The following KLF17 variants were observed in gnomAD, a reference collection of about 807,000 sequenced individuals.
The protein encoded by KLF17 is KLF transcription factor 17.
Under a neutral mutation model 34.2 loss-of-function variants are expected in KLF17, and 31 were observed. The ratio of observed to expected loss-of-function variants is 0.91; its 90% CI spans 0.68 to 1.22. KLF17 has a LOEUF of 1.22. Ranked by LOEUF, KLF17 falls within the 50% of genes most tolerant of loss-of-function variation. KLF17 has a pLI of 0.00. For synonymous variants in KLF17, 179 were observed against 186.7 expected (o/e 0.96, Z 0.34); for missense variants, 478 against 505.2 (o/e 0.95, Z 0.52).
chr1:44,112,141 C>T, the KLF17 span, among the ~76,000 whole-genome samples: 2 of 152,168 alleles, frequency 1.3e-5, no homozygotes, highest in South Asian at 2.1e-4. Flanking sequence ...ATTCTCCTGT[C>T]GGTAGGTAGT....
At chr1:44,122,308 T>C (rs2087956041) in intron 1 of KLF17, 1 of 1,599,946 alleles carries the variant, frequency 6.3e-7, no homozygotes, top group South Asian at 1.1e-5. Context: ...TCTAGTAGAA[T>C]AAAATACCGA....
At chr1:44,111,725 C>T in the KLF17 span, among the ~76,000 whole-genome samples, 1 of 152,154 alleles carries the variant, frequency 6.6e-6, no homozygotes, top group East Asian at 1.9e-4. Context: ...AACCCCATCT[C>T]TACTAAAAAT....
chr1:44,101,643 G>A, the KLF17 span: 1 of 152,182 alleles, frequency 6.6e-6, no homozygotes, highest in Non-Finnish European at 1.5e-5. Flanking sequence ...TACTGGTGAT[G>A]TTAACTTTGG....
chr1:44,062,715 C>CAA, the KLF17 span, among the ~76,000 whole-genome samples: 150 of 118,684 alleles, frequency 1.3e-3, no homozygotes, highest in Non-Finnish European at 1.6e-3. Context: ...GAACCTGTCT[C>CAA]AAAAAAAAAA....
At chr1:44,111,223 T>G in the KLF17 span, among the ~76,000 whole-genome samples, 2 of 151,790 alleles carry the variant, frequency 1.3e-5, no homozygotes, top group Admixed American at 1.3e-4. Context: ...CTCAAACTCC[T>G]GGGCTCAAGC....
intron 1 of KLF17, among the ~76,000 whole-genome samples, chr1:44,119,666 C>G (rs1288615725): frequency 6.6e-6 from 1 of 152,028 alleles, no homozygotes; most frequent in East Asian, 1.9e-4. Context: ...GACTAAAGAA[C>G]CCGTCAGGTG....
At chr1:44,046,531 ACACACACT>A in the KLF17 span, among the ~76,000 whole-genome samples, 19,474 of 74,104 alleles carry the variant, frequency 0.26, 1,750 homozygotes, top group African/African-American at 0.37. Context: ...TAAGCACTAC[ACACACACT>A]CACACACACA....
intron 1 of KLF17, 62 bp downstream of exon 1, chr1:44,119,050 G>C: frequency 7.9e-7 from 1 of 1,263,600 alleles, no homozygotes; most frequent in Non-Finnish European, 1.1e-6. Flanking sequence ...GGCGGGGAGG[G>C]GAGGCCTTGG....
intron 1 of KLF17, among the ~76,000 whole-genome samples, chr1:44,123,336 G>T (rs1186183850): frequency 1.3e-5 from 2 of 152,122 alleles, no homozygotes; most frequent in Admixed American, 6.6e-5. Context: ...TGCTCAGCCT[G>T]TAACAGTCTT....
Position 44,129,535 on chromosome 1 carries a change from G to T in KLF17, c.264G>T (p.Gln88His), listed in dbSNP as rs2088076326. Reference protein sequence around the residue: ...PGQNVNEGGPQFSMPLPERGM... With the variant: ...PGQNVNEGGPHFSMPLPERGM... Reference sequence around the variant, plus strand: ...AGAATGTGAATGAAGGGGGGCCACAGTTCAGTATGCCACTGCCTGAGCGTG... The same window carrying T: ...AGAATGTGAATGAAGGGGGGCCACATTTCAGTATGCCACTGCCTGAGCGTG... The change falls in exon 2 of 4, where the codon CAG becomes CAT. Residue 88 changes from glutamine (Q) to histidine (H), a missense_variant. By Grantham distance (24) the Gln-to-His change is conservative. Coordinates refer to ENST00000372299, the MANE Select transcript of KLF17 (RefSeq NM_173484.4). 7 of 1,613,580 alleles carry T rather than the reference G, an allele frequency of 4.3e-6. No individual in the cohort carries two copies. Among genetic ancestry groups the T allele is most frequent in the Non-Finnish European group, 5.9e-6 (7 of 1,179,726 alleles).
the KLF17 span, chr1:44,105,023 G>A: frequency 6.5e-6 from 1 of 153,462 alleles, no homozygotes; most frequent in Admixed American, 6.5e-5. Context: ...TGGATCACTT[G>A]AGCCAGGAGT....
the KLF17 span, among the ~76,000 whole-genome samples, chr1:44,090,400 C>T: frequency 1.4e-5 from 2 of 148,090 alleles, no homozygotes; most frequent in East Asian, 4.0e-4. Flanking sequence ...ACTAAATTCT[C>T]AGCATAACTG....
At chr1:44,058,713 G>A in the KLF17 span, among the ~76,000 whole-genome samples, 147 of 115,918 alleles carry the variant, frequency 1.3e-3, 1 homozygote, top group Non-Finnish European at 1.8e-3. Context: ...TTCCCGAGAC[G>A]GAGTCTCGCT....
At chr1:44,105,933 G>T in the KLF17 span, among the ~76,000 whole-genome samples, 1 of 152,148 alleles carries the variant, frequency 6.6e-6, no homozygotes, top group African/African-American at 2.4e-5. Flanking sequence ...GGAGGCTGGG[G>T]TGGGAGGATT....
At chr1:44,055,077 C>T in the KLF17 span, among the ~76,000 whole-genome samples, 1 of 152,128 alleles carries the variant, frequency 6.6e-6, no homozygotes, top group African/African-American at 2.4e-5. Context: ...CCATGCCTGG[C>T]CCAGTGTGCC....
the KLF17 span, among the ~76,000 whole-genome samples, chr1:44,068,491 T>A: frequency 3.3e-5 from 5 of 152,218 alleles, no homozygotes; most frequent in Admixed American, 1.3e-4. Flanking sequence ...ACCTCCCTGT[T>A]ACTGGGGCAG....
the KLF17 span, among the ~76,000 whole-genome samples, chr1:44,096,777 C>A: frequency 1.3e-5 from 2 of 152,020 alleles, no homozygotes; most frequent in Admixed American, 6.6e-5. Context: ...CAAAAAAGTT[C>A]TCCCATTCTG....
rs71036666 is a variant in KLF17, at chr1:44,127,692, T to TTTTCTTTC, written c.82-1646_82-1639dup. Among the ~76,000 whole-genome samples, 365 of 90,132 alleles carry TTTTCTTTC rather than the reference T, an allele frequency of 4.0e-3. 3 individuals are homozygous for TTTTCTTTC. The highest frequency in any genetic ancestry group is 9.5e-3 in the African/African-American group (172 of 18,124). 59.1% of individuals were successfully genotyped at this position (90,132 alleles called of 152,430 possible). ...TTTCTTTCTTTCTTTCTTTCTTTCT[T>TTTTCTTTC]TTTCTTTCTTTCTTTCTTTCTTCTC... On this transcript the variant is annotated intron_variant, in intron 1 of 3. Transcript: ENST00000372299.
the KLF17 span, among the ~76,000 whole-genome samples, chr1:44,091,939 A>G: frequency 2.2e-5 from 3 of 133,988 alleles, no homozygotes; most frequent in Non-Finnish European, 3.2e-5. Context: ...CCAAAAAACA[A>G]CAACAACAAC....
Sources: gnomAD v4.1 joint callset for allele counts (sites outside exome capture counted in the v4.1 genomes callset) on GRCh38, gnomAD v4.1.1 for gene constraint, MANE v1.5 for transcripts, NCBI Gene and HGNC (gene_info 2026-07-23, HGNC 2026-07-21) for gene names.